The following THSD7B variants were observed in gnomAD, a reference collection of about 807,000 sequenced individuals.
THSD7B encodes the protein thrombospondin type-1 domain-containing protein 7B.
A neutral mutation model predicts 213.6 loss-of-function variants in THSD7B; 138 were observed. That is an observed-to-expected ratio of 0.65 (90% CI 0.56 to 0.74). THSD7B has a LOEUF of 0.74. THSD7B is among the 30% of genes least tolerant of loss of function. The pLI is 0.00. For missense variants in THSD7B, 1,931 were observed against 1,991.5 expected, an observed-to-expected ratio of 0.97 and a Z score of 0.58; for synonymous variants, 742 against 687.0, an observed-to-expected ratio of 1.08 and a Z score of -1.25.
chr2:137,058,913 C>T (rs1276510410), intron 3 of THSD7B, among the ~76,000 whole-genome samples: 1 of 152,154 alleles, frequency 6.6e-6, no homozygotes, highest in Non-Finnish European at 1.5e-5. Flanking sequence ...GCCTCTAGAA[C>T]TGTGAGAAAT....
chr2:137,205,501 A>T (rs1680967038), intron 7 of THSD7B, among the ~76,000 whole-genome samples: 1 of 150,940 alleles, frequency 6.6e-6, no homozygotes, highest in Admixed American at 6.6e-5. Context: ...TAATTTAATT[A>T]TGTAGTTTTT....
At chr2:136,833,868 A>T (rs1429715778) in intron 1 of THSD7B, among the ~76,000 whole-genome samples, 1 of 152,178 alleles carries the variant, frequency 6.6e-6, no homozygotes, top group Non-Finnish European at 1.5e-5. Flanking sequence ...AAAATTGTAA[A>T]ATTCACTAAT....
At chr2:136,941,361 G>A (rs1684824337) in intron 2 of THSD7B, among the ~76,000 whole-genome samples, 1 of 152,144 alleles carries the variant, frequency 6.6e-6, no homozygotes, top group Admixed American at 6.5e-5. Context: ...AATCCTTTGG[G>A]TATATATCCA....
intron 2 of THSD7B, among the ~76,000 whole-genome samples, chr2:136,988,143 C>A (rs559737942): frequency 2.6e-5 from 4 of 152,168 alleles, no homozygotes; most frequent in Non-Finnish European, 4.4e-5. Context: ...TGTCCTTTTA[C>A]AGTTACTTCT....
rs1036939369 is a variant in THSD7B at position 137,458,638 on chromosome 2, C to G, written c.3138+7615C>G. ...CATAATTCTGCAGTAGTTGAGACATCTATAGTATTGGCTATTGTGTATGCT... is the reference window on the plus strand; with the variant it reads ...CATAATTCTGCAGTAGTTGAGACATGTATAGTATTGGCTATTGTGTATGCT... On this transcript the variant is annotated intron_variant, in intron 15 of 27. Coordinates refer to ENST00000409968, the MANE Select transcript of THSD7B (RefSeq NM_001316349.2). Among the ~76,000 whole-genome samples, 5 of 152,118 alleles carry G rather than the reference C, an allele frequency of 3.3e-5. 1 individual carries two copies. The highest frequency in any genetic ancestry group is 3.3e-4 in the Admixed American group (5 of 15,272).
chr2:136,857,733 C>A (rs1683197944), intron 1 of THSD7B, among the ~76,000 whole-genome samples: 1 of 152,142 alleles, frequency 6.6e-6, no homozygotes, highest in Non-Finnish European at 1.5e-5. Flanking sequence ...ATCTGGGTTG[C>A]TAAATTCATA....
intron 2 of THSD7B, among the ~76,000 whole-genome samples, chr2:136,962,299 C>T (rs1450124829): frequency 6.6e-6 from 1 of 151,524 alleles, no homozygotes; most frequent in Admixed American, 6.6e-5. Flanking sequence ...AGACTTCTGA[C>T]CTTCAAAACT....
intron 12 of THSD7B, among the ~76,000 whole-genome samples, chr2:137,278,555 T>C (rs1452003872): frequency 1.3e-5 from 2 of 152,108 alleles, no homozygotes; most frequent in Non-Finnish European, 2.9e-5. Context: ...TCATCAAAGA[T>C]GAATAAATCA....
intron 2 of THSD7B, among the ~76,000 whole-genome samples, chr2:136,895,241 A>G (rs1027080420): frequency 6.6e-6 from 1 of 152,166 alleles, no homozygotes; most frequent in Admixed American, 6.6e-5. Flanking sequence ...ATACCATTTT[A>G]TTTTACAGTT....
At chr2:137,434,709 A>G (rs1009186568) in intron 14 of THSD7B, among the ~76,000 whole-genome samples, 1 of 152,182 alleles carries the variant, frequency 6.6e-6, no homozygotes, top group African/African-American at 2.4e-5. Context: ...GTATTAATTT[A>G]CAGATACTTC....
chr2:137,090,098 A>T (rs981925861), intron 3 of THSD7B, among the ~76,000 whole-genome samples: 6 of 152,098 alleles, frequency 3.9e-5, no homozygotes, highest in South Asian at 2.1e-4. Flanking sequence ...TAAAAAAATT[A>T]AAAAAATAAA....
intron 5 of THSD7B, among the ~76,000 whole-genome samples, chr2:137,122,039 A>G (rs1688555140): frequency 6.6e-6 from 1 of 152,130 alleles, no homozygotes; most frequent in Non-Finnish European, 1.5e-5. Flanking sequence ...AAAACAAATG[A>G]GAAAGAAACA....
At chr2:136,774,890 A>G (rs1681572267) in intron 1 of THSD7B, among the ~76,000 whole-genome samples, 2 of 152,216 alleles carry the variant, frequency 1.3e-5, no homozygotes, top group Non-Finnish European at 1.5e-5. Context: ...GCAGTTTTCA[A>G]ATAGCAAGAC....
At chr2:137,585,447 A>G (rs981625057) in intron 17 of THSD7B, among the ~76,000 whole-genome samples, 12 of 151,872 alleles carry the variant, frequency 7.9e-5, no homozygotes, top group African/African-American at 2.9e-4. Context: ...TCAATTTTAG[A>G]TCTTTCCTGC....
At chr2:137,078,129 T>C (rs1313039563) in intron 3 of THSD7B, among the ~76,000 whole-genome samples, 1 of 152,208 alleles carries the variant, frequency 6.6e-6, no homozygotes, top group Non-Finnish European at 1.5e-5. Context: ...AAAGATCAGA[T>C]AGTTGTAGAT....
chr2:137,562,131 T>C (rs1227149572), intron 15 of THSD7B, among the ~76,000 whole-genome samples: 1 of 152,176 alleles, frequency 6.6e-6, no homozygotes, highest in Non-Finnish European at 1.5e-5. Flanking sequence ...AGTAAAAACA[T>C]ACAAGCAATG....
At chr2:137,317,477 A>G (rs1225912120) in intron 12 of THSD7B, among the ~76,000 whole-genome samples, 2 of 152,364 alleles carry the variant, frequency 1.3e-5, no homozygotes, top group South Asian at 4.1e-4. Context: ...CAAACAAATC[A>G]TAAGTACTCT....
At chr2:137,043,714 T>C (rs902747837) in intron 2 of THSD7B, among the ~76,000 whole-genome samples, 2 of 152,158 alleles carry the variant, frequency 1.3e-5, no homozygotes, top group African/African-American at 2.4e-5. Flanking sequence ...GTTGACGTTT[T>C]GCTCTATTAC....
Position 136,827,129 on chromosome 2 carries a change from C to T in THSD7B, c.-35-55015C>T, listed in dbSNP as rs563985760. On this transcript the variant is annotated intron_variant, in intron 1 of 27. Transcript: ENST00000409968. Reference sequence around the variant, plus strand: ...CCTGATGGTAACCATAGCAAAAAGACAATCATGAAAATTATTGGTTTCTCT... The same window carrying T: ...CCTGATGGTAACCATAGCAAAAAGATAATCATGAAAATTATTGGTTTCTCT... Among the ~76,000 whole-genome samples the T allele has an allele frequency of 2.6e-5, 4 of 152,296 alleles. No individual in the cohort carries two copies. In the South Asian group the frequency reaches 8.3e-4, roughly 32 times the overall value.
Sources: allele counts gnomAD v4.1 joint callset (sites outside exome capture counted in the v4.1 genomes callset), GRCh38; gene constraint gnomAD v4.1.1; transcripts MANE v1.5; gene names NCBI Gene and HGNC (gene_info 2026-07-23, HGNC 2026-07-21).